FBN2: variants seen among roughly 807,000 people sequenced by gnomAD.
FBN2 encodes fibrillin 2.
Under a neutral mutation model 355.6 loss-of-function variants are expected in FBN2, and 105 were observed. That is an observed-to-expected ratio of 0.30 (90% CI 0.25 to 0.35). The LOEUF is 0.35. Among genes scored for constraint, FBN2 ranks in the 10% least tolerant of loss-of-function variants. The probability of loss-of-function intolerance (pLI) is 1.00; values close to 1 mark genes in which losing one functional copy is unlikely to be tolerated. For synonymous variants in FBN2, 1,350 were observed against 1,301.2 expected, an observed-to-expected ratio of 1.04 and a Z score of -0.81; for missense variants, 3,280 against 3,758.7, an observed-to-expected ratio of 0.87 and a Z score of 3.33.
chr5:128,352,430 T>C (rs1475189021), intron 20 of FBN2, among the ~76,000 whole-genome samples: 3 of 152,240 alleles, frequency 2.0e-5, no homozygotes. Context: ...ACTTTAAAAT[T>C]TTTATTTTAT....
At chr5:128,261,318 A>T (rs1764958442) in intron 64 of FBN2, among the ~76,000 whole-genome samples, 1 of 152,276 alleles carries the variant, frequency 6.6e-6, no homozygotes, top group Admixed American at 6.5e-5. Flanking sequence ...AACTGTCTTA[A>T]AAATAAAACA....
chr5:128,461,812 G>A (rs891721453), intron 6 of FBN2, among the ~76,000 whole-genome samples: 2 of 149,948 alleles, frequency 1.3e-5, no homozygotes, highest in Non-Finnish European at 3.0e-5. Flanking sequence ...GAAAACACGT[G>A]GACACAGATA....
chr5:128,361,883 TATTTAAGC>T lies in FBN2; in HGVS notation c.2429-43_2429-36del, dbSNP rs747797935. 1.9e-6 allele frequency: 3 copies of T among 1,606,628 alleles called. No homozygotes were observed. The African/African-American group carries it at 4.0e-5, about 21-fold the overall frequency. On this transcript the variant is annotated intron_variant, in intron 18 of 64. Coordinates refer to ENST00000262464, the MANE Select transcript of FBN2 (RefSeq NM_001999.4). ...ACGATTGAAAGATAGGAGATACACA[TATTTAAGC>T]ATCTATTACAGTGGGCAGCAATGTT...
chr5:128,521,218 G>T (rs575481400), intron 4 of FBN2, among the ~76,000 whole-genome samples: 3 of 152,108 alleles, frequency 2.0e-5, no homozygotes, highest in Non-Finnish European at 2.9e-5. Context: ...CCTTTGCAGC[G>T]ACATGGATGA....
At chr5:128,290,387 T>C (rs28472987) in intron 50 of FBN2, among the ~76,000 whole-genome samples, 6,351 of 152,274 alleles carry the variant, frequency 0.042, 461 homozygotes, top group African/African-American at 0.14. Flanking sequence ...CCACAGCCTG[T>C]GATACAATGC....
At chr5:128,430,564 G>A (rs1753592135) in intron 7 of FBN2, among the ~76,000 whole-genome samples, 1 of 152,036 alleles carries the variant, frequency 6.6e-6, no homozygotes, top group African/African-American at 2.4e-5. Context: ...TAAAATACAG[G>A]CCAGTGAGGT....
At chr5:128,350,337 A>G (rs154000) in intron 21 of FBN2, among the ~76,000 whole-genome samples, 120,306 of 152,190 alleles carry the variant, frequency 0.79, 47,835 homozygotes, top group East Asian at 0.93. Flanking sequence ...GATTACTTGA[A>G]GTCAGGAGTT....
intron 5 of FBN2, among the ~76,000 whole-genome samples, chr5:128,486,238 G>A (rs1057425106): frequency 6.6e-6 from 1 of 152,000 alleles, no homozygotes; most frequent in Non-Finnish European, 1.5e-5. Flanking sequence ...AAATGCAGAC[G>A]CCTTAACATT....
chr5:128,448,073 T>G (rs1240660953), intron 6 of FBN2, among the ~76,000 whole-genome samples: 1 of 152,292 alleles, frequency 6.6e-6, no homozygotes, highest in Non-Finnish European at 1.5e-5. Flanking sequence ...TACGTTTCTT[T>G]GTGGAATGAC....
chr5:128,378,282 C>A (rs1160986240), intron 12 of FBN2, among the ~76,000 whole-genome samples: 1 of 152,010 alleles, frequency 6.6e-6, no homozygotes, highest in African/African-American at 2.4e-5. Context: ...AAGCAACTAC[C>A]TGTGGATGAA....
chr5:128,343,884 C>T (rs1453791233), intron 25 of FBN2, among the ~76,000 whole-genome samples: 1 of 152,092 alleles, frequency 6.6e-6, no homozygotes, highest in Non-Finnish European at 1.5e-5. Context: ...TTGCAGTTCT[C>T]TCACAACGAG....
chr5:128,527,011 G>A (rs1011344267), intron 4 of FBN2, among the ~76,000 whole-genome samples: 10 of 152,114 alleles, frequency 6.6e-5, no homozygotes, highest in Non-Finnish European at 8.8e-5. Flanking sequence ...TTAAAAAAGA[G>A]ACCAGCAATC....
chr5:128,367,880 A>T (rs79657662), intron 16 of FBN2, among the ~76,000 whole-genome samples: 44 of 138,530 alleles, frequency 3.2e-4, no homozygotes, highest in South Asian at 2.0e-3. Context: ...TTTTTTTTTT[A>T]AAAAAAGTCA....
intron 5 of FBN2, among the ~76,000 whole-genome samples, chr5:128,504,978 T>C (rs575677362): frequency 7.9e-5 from 12 of 152,300 alleles, no homozygotes; most frequent in Admixed American, 2.0e-4. Context: ...TTCCCCATAC[T>C]GTTCTCATGG....
At chr5:128,271,909 C>A in intron 62 of FBN2, 90 bp downstream of exon 62, 1 of 1,490,114 alleles carries the variant, frequency 6.7e-7, no homozygotes, top group Non-Finnish European at 9.4e-7. Flanking sequence ...AAAGGCTATA[C>A]TGAAATCTCA....
At chr5:128,425,494 A>C (rs964283532) in intron 7 of FBN2, among the ~76,000 whole-genome samples, 1 of 152,220 alleles carries the variant, frequency 6.6e-6, no homozygotes, top group Admixed American at 6.5e-5. Flanking sequence ...TTAATAGGGA[A>C]AATTTAATAT....
chr5:128,487,563 A>C (rs937979192), intron 5 of FBN2, among the ~76,000 whole-genome samples: 1 of 152,152 alleles, frequency 6.6e-6, no homozygotes. Context: ...ATTTTCCCAA[A>C]AAGACCGTAA....
intron 4 of FBN2, among the ~76,000 whole-genome samples, chr5:128,523,249 AC>A (rs1213173140): frequency 1.3e-5 from 2 of 152,292 alleles, no homozygotes; most frequent in East Asian, 3.9e-4. Context: ...GAGGAAAGAA[AC>A]AAAAGCCTAC....
rs756170124 is a variant in FBN2 at position 128,278,659 on chromosome 5, G to A, written c.7321C>T (p.Pro2441Ser). Residue 2441 changes from proline (P) to serine (S), a missense_variant, in exon 57 of 65, where the codon CCA becomes TCA. Pro to Ser is a moderately conservative substitution (Grantham distance 74). Coordinates refer to ENST00000262464, the MANE Select transcript of FBN2 (RefSeq NM_001999.4). Reference sequence around the variant, plus strand: ...CCTCTTCCATCAGTTGTATATCCTGGGCCATGAGGACATATCTTTTTGTAC... The same window carrying A: ...CCTCTTCCATCAGTTGTATATCCTGAGCCATGAGGACATATCTTTTTGTAC... ...AQYKKICPHG[P>S]GYTTDGRDID... 2.5e-6 allele frequency: 4 copies of A among 1,613,790 alleles called. No homozygotes were observed. In the East Asian group the frequency reaches 6.7e-5, roughly 27 times the overall value.
Sources: allele counts gnomAD v4.1 joint callset (sites outside exome capture counted in the v4.1 genomes callset), GRCh38; gene constraint gnomAD v4.1.1; transcripts MANE v1.5; gene names NCBI Gene and HGNC (gene_info 2026-07-23, HGNC 2026-07-21).